Variants in CNBD1 observed in about 807,000 individuals in gnomAD.
The protein encoded by CNBD1 is cyclic nucleotide-binding domain-containing protein 1.
Under a neutral mutation model 54.4 loss-of-function variants are expected in CNBD1, and 71 were observed. That is an observed-to-expected ratio of 1.30 (90% CI 1.08 to 1.59). The LOEUF is 1.59. Ranked by LOEUF, CNBD1 falls within the 40% of genes most tolerant of loss-of-function variation. The probability of loss-of-function intolerance (pLI) is 0.00; values close to 1 mark genes in which losing one functional copy is unlikely to be tolerated. For missense variants in CNBD1, 659 were observed against 518.0 expected (o/e 1.27, Z -2.64); for synonymous variants, 182 against 170.7 (o/e 1.07, Z -0.51).
intron 5 of CNBD1, among the ~76,000 whole-genome samples, chr8:87,229,220 C>T (rs897964847): frequency 1.3e-5 from 2 of 152,196 alleles, no homozygotes; most frequent in African/African-American, 4.8e-5. Flanking sequence ...CTGCATCGCT[C>T]AGGCTGGGAG....
chr8:87,129,265 G>A (rs760623006), intron 4 of CNBD1, among the ~76,000 whole-genome samples: 2 of 151,712 alleles, frequency 1.3e-5, no homozygotes, highest in Non-Finnish European at 2.9e-5. Flanking sequence ...TAAAATGTTG[G>A]TAGGGTTTAC....
At chr8:87,096,330 A>T (rs577239772) in intron 4 of CNBD1, among the ~76,000 whole-genome samples, 1 of 145,690 alleles carries the variant, frequency 6.9e-6, no homozygotes, top group African/African-American at 2.6e-5. Context: ...AAAGAAGAAT[A>T]GCTCTCTGGT....
rs547519866 is a variant in CNBD1 at position 87,205,884 on chromosome 8, C to T, written c.432-109C>T. 75 of 904,312 alleles carry T rather than the reference C, an allele frequency of 8.3e-5. No homozygotes were observed. The East Asian group carries it at 2.1e-3, about 25-fold the overall frequency. 56.0% of individuals were successfully genotyped at this position (904,312 alleles called of 1,614,324 possible). ...AGCATCACAGTTCTTTTTTAAAAACCCTTAACTAAACAGAAAATACAAATT... is the reference window on the plus strand; with the variant it reads ...AGCATCACAGTTCTTTTTTAAAAACTCTTAACTAAACAGAAAATACAAATT... On this transcript the variant is annotated intron_variant, in intron 4 of 10. Coordinates refer to ENST00000518476, the MANE Select transcript of CNBD1 (RefSeq NM_173538.3).
intron 4 of CNBD1, among the ~76,000 whole-genome samples, chr8:87,011,340 G>A (rs146263305): frequency 2.0e-5 from 3 of 152,006 alleles, no homozygotes; most frequent in African/African-American, 7.2e-5. Context: ...ATGCCTTGAG[G>A]GGAAAAGTGG....
chr8:87,300,477 T>A (rs1808965996), intron 8 of CNBD1, among the ~76,000 whole-genome samples: 1 of 152,160 alleles, frequency 6.6e-6, no homozygotes, highest in Non-Finnish European at 1.5e-5. Context: ...CTAGACACAC[T>A]AACTTCTAAG....
At chr8:87,337,704 TG>T (rs1440455681) in intron 8 of CNBD1, among the ~76,000 whole-genome samples, 2 of 152,200 alleles carry the variant, frequency 1.3e-5, no homozygotes, top group Non-Finnish European at 2.9e-5. Context: ...CTCCCTTGGC[TG>T]GGGGTGGGGG....
chr8:86,872,099 A>C (rs1056908238), intron 1 of CNBD1, among the ~76,000 whole-genome samples: 1 of 152,188 alleles, frequency 6.6e-6, no homozygotes, highest in Admixed American at 6.5e-5. Context: ...AATGTTGCCT[A>C]GCAACACTGT....
intron 5 of CNBD1, among the ~76,000 whole-genome samples, chr8:87,223,951 G>A (rs966370675): frequency 3.3e-5 from 5 of 152,132 alleles, no homozygotes; most frequent in African/African-American, 7.2e-5. Context: ...GTGTGAGATG[G>A]TATCTCATTG....
intron 4 of CNBD1, among the ~76,000 whole-genome samples, chr8:87,118,578 A>G (rs1811825266): frequency 6.6e-6 from 1 of 152,160 alleles, no homozygotes; most frequent in African/African-American, 2.4e-5. Context: ...CAAAGAGGTT[A>G]GTAGGTAGCT....
At chr8:87,063,104 C>T (rs1049323460) in intron 4 of CNBD1, among the ~76,000 whole-genome samples, 22 of 152,324 alleles carry the variant, frequency 1.4e-4, no homozygotes, top group Middle Eastern at 3.4e-3. Context: ...GCAATGACAA[C>T]TACTATTGTA....
intron 4 of CNBD1, among the ~76,000 whole-genome samples, chr8:87,072,401 C>T (rs1810777144): frequency 1.3e-5 from 2 of 152,096 alleles, no homozygotes; most frequent in Non-Finnish European, 2.9e-5. Flanking sequence ...CATAGTGTCA[C>T]TGGTTTGTCT....
chr8:86,989,481 C>T (rs967991149), intron 4 of CNBD1, among the ~76,000 whole-genome samples: 7 of 152,118 alleles, frequency 4.6e-5, no homozygotes, highest in Non-Finnish European at 5.9e-5. Flanking sequence ...GATGGAGTCT[C>T]GCTCTGTTGC....
intron 8 of CNBD1, among the ~76,000 whole-genome samples, chr8:87,328,193 T>G (rs750963910): frequency 4.6e-5 from 7 of 152,052 alleles, no homozygotes; most frequent in Non-Finnish European, 1.0e-4. Context: ...TGTCCATTGT[T>G]CGATATCCAG....
intron 5 of CNBD1, among the ~76,000 whole-genome samples, chr8:87,223,511 G>C (rs945131227): frequency 2.6e-5 from 4 of 151,012 alleles, no homozygotes; most frequent in Non-Finnish European, 5.9e-5. Context: ...TTGTTCTTGC[G>C]ATAGTTTACT....
At chr8:87,096,239 A>G (rs1464869745) in intron 4 of CNBD1, among the ~76,000 whole-genome samples, 1 of 152,128 alleles carries the variant, frequency 6.6e-6, no homozygotes, top group East Asian at 1.9e-4. Flanking sequence ...GTTTAAGTTC[A>G]ATGTGCCATC....
At chr8:87,338,084 A>T (rs1404495734) in intron 8 of CNBD1, among the ~76,000 whole-genome samples, 1 of 152,186 alleles carries the variant, frequency 6.6e-6, no homozygotes, top group Admixed American at 6.5e-5. Context: ...AGGTTGCCTT[A>T]AAGTTTGCAA....
chr8:86,928,688 G>T (rs10955114), intron 3 of CNBD1, among the ~76,000 whole-genome samples: 17 of 151,972 alleles, frequency 1.1e-4, no homozygotes, highest in African/African-American at 4.1e-4. Context: ...CTCACTGCCA[G>T]TTGTCTCCGG....
intron 10 of CNBD1, among the ~76,000 whole-genome samples, chr8:87,362,245 C>T (rs138690692): frequency 6.6e-6 from 1 of 152,056 alleles, no homozygotes; most frequent in African/African-American, 2.4e-5. Flanking sequence ...ATATTAGAAA[C>T]AAGGGCACAG....
chr8:87,270,056 C>T (rs1808331806), intron 6 of CNBD1, among the ~76,000 whole-genome samples: 1 of 151,958 alleles, frequency 6.6e-6, no homozygotes, highest in Non-Finnish European at 1.5e-5. Flanking sequence ...AAAGTTAATT[C>T]ACCACAATCA....
Sources: allele counts gnomAD v4.1 joint callset (sites outside exome capture counted in the v4.1 genomes callset), GRCh38; gene constraint gnomAD v4.1.1; transcripts MANE v1.5; gene names NCBI Gene and HGNC (gene_info 2026-07-23, HGNC 2026-07-21).